The following THADA variants were observed in gnomAD, a reference collection of about 807,000 sequenced individuals.
THADA encodes tRNA (32-2'-O)-methyltransferase regulator THADA.
Under a neutral mutation model 219.8 loss-of-function variants are expected in THADA, and 213 were observed. The observed-to-expected ratio is 0.97, with a 90% CI of 0.87 to 1.09. The LOEUF is 1.09. Among genes scored for constraint, THADA ranks in the 50% least tolerant of loss-of-function variants. THADA has a pLI of 0.00. For synonymous variants in THADA, 1,018 were observed against 828.9 expected (o/e 1.23, Z -3.92); for missense variants, 2,956 against 2,311.3 (o/e 1.28, Z -5.72).
In THADA at chr2:43,573,012, G is replaced by A; in HGVS notation, c.1730-20C>T. On this transcript the variant is annotated intron_variant, in intron 11 of 37. Transcript: ENST00000405975. ...CTTGTCCTGAAAGCACAATAACAAAGACCATTACTGTATTATGCAATGACT... is the reference window on the plus strand; with the variant it reads ...CTTGTCCTGAAAGCACAATAACAAAAACCATTACTGTATTATGCAATGACT... The A allele has an allele frequency of 6.2e-7, 1 of 1,607,066 alleles. No individual in the cohort carries two copies. Among genetic ancestry groups the A allele is most frequent in the Non-Finnish European group, 8.5e-7 (1 of 1,176,610 alleles).
At chr2:43,527,304 T>A (rs1344602639) in intron 22 of THADA, among the ~76,000 whole-genome samples, 2 of 152,230 alleles carry the variant, frequency 1.3e-5, no homozygotes, top group Non-Finnish European at 2.9e-5. Context: ...ACAAGCTCTT[T>A]GGAGGAAATC....
chr2:43,560,187 A>G (rs1362076517), intron 16 of THADA, 47 bp downstream of exon 16: 1 of 1,529,742 alleles, frequency 6.5e-7, no homozygotes, highest in South Asian at 1.3e-5. Context: ...CTGCTGATAG[A>G]AAGTTTCCAT....
chr2:43,431,539 C>T (rs980676524), intron 26 of THADA, among the ~76,000 whole-genome samples: 9 of 152,060 alleles, frequency 5.9e-5, no homozygotes, highest in South Asian at 2.1e-4. Context: ...GATCTCGGCT[C>T]ACTGCAACCT....
At chr2:43,518,236 T>C (rs1022761387) in intron 22 of THADA, among the ~76,000 whole-genome samples, 2 of 152,164 alleles carry the variant, frequency 1.3e-5, no homozygotes, top group Admixed American at 1.3e-4. Context: ...ACTAACTTCA[T>C]TGAATATGGC....
At chr2:43,564,370 T>G (rs892763669) in intron 15 of THADA, 1 of 152,274 alleles carries the variant, frequency 6.6e-6, no homozygotes, top group African/African-American at 2.4e-5. Flanking sequence ...ATCTGTTCCT[T>G]GCCTCTTCCA....
At chr2:43,483,593 T>C (rs1405951248) in intron 26 of THADA, among the ~76,000 whole-genome samples, 2 of 152,102 alleles carry the variant, frequency 1.3e-5, no homozygotes. Context: ...TTTTGTAATC[T>C]TTCCTATCCA....
chr2:43,268,013 G>C (rs1042270705), intron 36 of THADA, among the ~76,000 whole-genome samples: 1 of 152,200 alleles, frequency 6.6e-6, no homozygotes, highest in African/African-American at 2.4e-5. Flanking sequence ...CAGGAGAGGG[G>C]GAAAGGAACA....
At chr2:43,386,169 G>A (rs892862871) in intron 29 of THADA, among the ~76,000 whole-genome samples, 1 of 152,168 alleles carries the variant, frequency 6.6e-6, no homozygotes, top group Non-Finnish European at 1.5e-5. Flanking sequence ...AGTGGAGGAT[G>A]AAGCAGGAAG....
intron 36 of THADA, among the ~76,000 whole-genome samples, chr2:43,252,874 C>G (rs1425265032): frequency 6.6e-6 from 1 of 152,212 alleles, no homozygotes; most frequent in Non-Finnish European, 1.5e-5. Flanking sequence ...TTAATCTCAG[C>G]TGGAATCTCC....
intron 28 of THADA, among the ~76,000 whole-genome samples, chr2:43,421,635 C>A (rs537780115): frequency 2.6e-5 from 4 of 152,104 alleles, no homozygotes; most frequent in Non-Finnish European, 5.9e-5. Flanking sequence ...TGTTCTTTTG[C>A]TTGTCAGAAA....
chr2:43,345,286 A>G (rs1319665380), intron 29 of THADA, among the ~76,000 whole-genome samples: 1 of 152,230 alleles, frequency 6.6e-6, no homozygotes, highest in African/African-American at 2.4e-5. Flanking sequence ...GAAACAGAAA[A>G]GGCCAGATAA....
chr2:43,423,256 T>C (rs954384081), intron 28 of THADA, among the ~76,000 whole-genome samples: 1 of 152,176 alleles, frequency 6.6e-6, no homozygotes, highest in Non-Finnish European at 1.5e-5. Context: ...TTTTTATGGC[T>C]ACTTTTAGCC....
chr2:43,327,228 C>T (rs897892125), intron 30 of THADA, among the ~76,000 whole-genome samples: 1 of 152,092 alleles, frequency 6.6e-6, no homozygotes, highest in Non-Finnish European at 1.5e-5. Flanking sequence ...CCCAGCCCAT[C>T]TGGGGTAGTT....
rs73923566 is a variant in THADA, at chr2:43,312,728, T to G, written c.4438+7718A>C. ...TGACAACAAAGCCTGTTTTTTTTTTTTTTTTTTCCTCCTCCTTAAAATTTC... is the reference window on the plus strand; with the variant it reads ...TGACAACAAAGCCTGTTTTTTTTTTGTTTTTTTCCTCCTCCTTAAAATTTC... On this transcript the variant is annotated intron_variant, in intron 31 of 37. Transcript: ENST00000405975. 6.3e-3 allele frequency among the ~76,000 whole-genome samples: 950 copies of G among 151,944 alleles called. 14 individuals carry two copies. The highest frequency in any genetic ancestry group is 0.022 in the African/African-American group (924 of 41,456).
intron 7 of THADA, among the ~76,000 whole-genome samples, chr2:43,585,581 A>AGAG (rs1559027786): frequency 6.9e-6 from 1 of 144,312 alleles, no homozygotes; most frequent in African/African-American, 2.6e-5. Context: ...GATAGATAGA[A>AGAG]AGAAATACAT....
At chr2:43,371,427 A>G (rs1055886480) in intron 29 of THADA, among the ~76,000 whole-genome samples, 82 of 152,352 alleles carry the variant, frequency 5.4e-4, no homozygotes, top group Middle Eastern at 3.4e-3. Flanking sequence ...CACTGATTAG[A>G]ATGTTAATAG....
intron 36 of THADA, among the ~76,000 whole-genome samples, chr2:43,265,236 A>C (rs1009802034): frequency 2.0e-5 from 3 of 152,358 alleles, no homozygotes; most frequent in East Asian, 3.9e-4. Flanking sequence ...GAGCAGCCCC[A>C]GACCCAGTGC....
intron 26 of THADA, among the ~76,000 whole-genome samples, chr2:43,464,895 C>T (rs1684051853): frequency 6.6e-6 from 1 of 152,050 alleles, no homozygotes; most frequent in South Asian, 2.1e-4. Flanking sequence ...TTCTTGAGCA[C>T]CCCTAGCCAG....
chr2:43,334,807 C>T (rs1166884665), intron 30 of THADA, among the ~76,000 whole-genome samples: 1 of 152,114 alleles, frequency 6.6e-6, no homozygotes. Context: ...AAACACTGGT[C>T]CCATACAGGG....
Sources: gnomAD v4.1 joint callset for allele counts (sites outside exome capture counted in the v4.1 genomes callset) on GRCh38, gnomAD v4.1.1 for gene constraint, MANE v1.5 for transcripts, NCBI Gene and HGNC (gene_info 2026-07-23, HGNC 2026-07-21) for gene names.